Variants in HTT observed in about 807,000 individuals in gnomAD.
HTT encodes huntington disease protein.
In HTT, 104 loss-of-function variants were observed where a neutral mutation model predicts 362.3. That is an observed-to-expected ratio of 0.29 (90% CI 0.24 to 0.34). The LOEUF (loss-of-function observed/expected upper bound fraction) is 0.34. HTT is among the 10% of genes least tolerant of loss of function. The probability of loss-of-function intolerance (pLI) is 1.00; values close to 1 mark genes in which losing one functional copy is unlikely to be tolerated. For synonymous variants in HTT, 1,577 were observed against 1,548.7 expected (o/e 1.02, Z -0.43); for missense variants, 3,301 against 3,928.6 (o/e 0.84, Z 4.27).
intron 53 of HTT, among the ~76,000 whole-genome samples, chr4:3,222,066 T>G (rs1028933887): frequency 1.3e-5 from 2 of 152,244 alleles, no homozygotes; most frequent in Non-Finnish European, 2.9e-5. Flanking sequence ...CTGCACGAGG[T>G]TGCCTGCATG....
Position 3,174,971 on chromosome 4 carries a change from T to C in HTT, c.4271T>C (p.Leu1424Ser), listed in dbSNP as rs749003535. ...DKNAIHNHIR[L>S]FEPLVIKALK... ...AATGCTATTCATAATCACATTCGTT[T>C]GTTTGAACCTCTTGTTATAAAAGCT... Residue 1424 changes from leucine (L) to serine (S), a missense_variant, in exon 33 of 67, where the codon TTG becomes TCG. By Grantham distance (145) the Leu-to-Ser change is moderately radical (BLOSUM62 -2). Coordinates refer to ENST00000355072, the MANE Select transcript of HTT (RefSeq NM_001388492.1). 1.9e-6 allele frequency: 3 copies of C among 1,603,560 alleles called. No homozygotes were observed. Among genetic ancestry groups the C allele is most frequent in the Non-Finnish European group, 2.6e-6 (3 of 1,172,974 alleles).
Position 3,187,362 on chromosome 4 carries a change from A to G in HTT, c.4990-289A>G, listed in dbSNP as rs563111461. 3.9e-5 allele frequency among the ~76,000 whole-genome samples: 6 copies of G among 152,146 alleles called. No individual in the cohort carries two copies. In the East Asian group the frequency reaches 9.7e-4, roughly 25 times the overall value. On this transcript the variant is annotated intron_variant, in intron 38 of 66. Coordinates refer to ENST00000355072, the MANE Select transcript of HTT (RefSeq NM_001388492.1). ...AGTAGAGACGGGGTTTCACTGTGTT[A>G]GCCAGGATGGTCGCGATCTCCTGAC...
intron 35 of HTT, among the ~76,000 whole-genome samples, chr4:3,179,488 G>C (rs559005634): frequency 3.3e-5 from 5 of 152,266 alleles, no homozygotes; most frequent in Admixed American, 6.5e-5. Context: ...GCATGTCTCA[G>C]GGCCGGAGAG....
chr4:3,107,902 A>T (rs1714519814), intron 6 of HTT, among the ~76,000 whole-genome samples: 1 of 152,252 alleles, frequency 6.6e-6, no homozygotes, highest in Non-Finnish European at 1.5e-5. Context: ...ACCCTGTCAC[A>T]TGCTCTACAG....
At chr4:3,134,010 T>C (rs1715950202) in intron 18 of HTT, among the ~76,000 whole-genome samples, 1 of 152,004 alleles carries the variant, frequency 6.6e-6, no homozygotes, top group Admixed American at 6.5e-5. Flanking sequence ...CATAGTGACA[T>C]AGTGGGGTGG....
intron 37 of HTT, 76 bp from the exon 38 acceptor site, chr4:3,186,521 G>A: frequency 6.5e-7 from 1 of 1,537,328 alleles, no homozygotes; most frequent in Non-Finnish European, 8.9e-7. Flanking sequence ...TTGCCCTTGA[G>A]TTACATAGCT....
intron 29 of HTT, among the ~76,000 whole-genome samples, chr4:3,170,584 T>C (rs1467931208): frequency 6.6e-6 from 1 of 152,202 alleles, no homozygotes; most frequent in Non-Finnish European, 1.5e-5. Context: ...TCTTGTTTTC[T>C]CTTCTCTGGT....
chr4:3,236,021 A>G lies in HTT; in HGVS notation c.8786-128A>G, dbSNP rs1721512559. The G allele has an allele frequency of 5.1e-6, 4 of 787,804 alleles. No individual in the cohort carries two copies. The African/African-American group carries it at 6.8e-5, about 13-fold the overall frequency. 48.8% of individuals were successfully genotyped at this position (787,804 alleles called of 1,614,324 possible). A position where few individuals can be genotyped will look rare whatever the true frequency, so the allele number is the denominator to read the frequency against. On this transcript the variant is annotated intron_variant, in intron 63 of 66. Coordinates refer to ENST00000355072, the MANE Select transcript of HTT (RefSeq NM_001388492.1). ...GCTGAGCTGGGCTGGGTCCTGGGCA[A>G]GCAAGGGGCTGATATCACCTGCTTT...
Position 3,122,861 on chromosome 4 carries a change from T to C in HTT, c.1274-28T>C, listed in dbSNP as rs751833235. On this transcript the variant is annotated intron_variant, in intron 9 of 66. Coordinates refer to ENST00000355072, the MANE Select transcript of HTT (RefSeq NM_001388492.1). ...CTTCTAGATTTTATCAGCTTGTTAC[T>C]TTATCTGTCACTTTCTGTGATTTGC... 12 of 1,580,368 alleles carry C rather than the reference T, an allele frequency of 7.6e-6. No individual in the cohort carries two copies. In the Middle Eastern group the frequency reaches 6.7e-4, roughly 88 times the overall value.
In HTT at chr4:3,218,540, G is replaced by A. The variant is rs1364956816; in HGVS notation, c.7242+588G>A. ...CCCAGCTACTCAGGAGACTGAGACA[G>A]GAGAATCGCTTGAACCCAGGAGGCG... On this transcript the variant is annotated intron_variant, in intron 52 of 66. Transcript: ENST00000355072. The surrounding 1 kb of genome is among the most constrained non-coding windows in gnomAD (Gnocchi z 4.4). Among the ~76,000 whole-genome samples the A allele has an allele frequency of 6.6e-6, 1 of 152,104 alleles. No individual in the cohort carries two copies. Among genetic ancestry groups the A allele is most frequent in the Non-Finnish European group, 1.5e-5 (1 of 68,028 alleles).
chr4:3,197,328 T>C (rs901869358), intron 40 of HTT, among the ~76,000 whole-genome samples: 11 of 152,112 alleles, frequency 7.2e-5, no homozygotes, highest in South Asian at 2.1e-4. Flanking sequence ...GTCCTGCCAG[T>C]ACCTCAGACT....
chr4:3,105,087 AGG>A (rs1714358961), intron 4 of HTT, among the ~76,000 whole-genome samples: 3 of 152,300 alleles, frequency 2.0e-5, no homozygotes, highest in Admixed American at 2.0e-4. Context: ...CAATGTTAGA[AGG>A]AAATGCTGTT....
rs553485307 is a variant in HTT, at chr4:3,133,497, A to T, written c.2493+586A>T. 4.0e-5 allele frequency among the ~76,000 whole-genome samples: 6 copies of T among 148,198 alleles called. No homozygotes were observed. In the East Asian group the frequency reaches 1.2e-3, roughly 30 times the overall value. On this transcript the variant is annotated intron_variant, in intron 18 of 66. Transcript: ENST00000355072. ...GGCAACAGAGTGAGACTGTCTCAAA[A>T]ATAATAGTAATAATAATCAGTTGAA...
chr4:3,111,277 T>G (rs1714735077), intron 6 of HTT, among the ~76,000 whole-genome samples: 1 of 151,276 alleles, frequency 6.6e-6, no homozygotes, highest in African/African-American at 2.4e-5. Context: ...CACTTAAGCC[T>G]CTGCCTCCCA....
Position 3,186,621 on chromosome 4 carries a change from C to T in HTT, c.4891C>T (p.Leu1631Phe), listed in dbSNP as rs765473338. ...GATGCACATTGACTCTCATGAAGCC[C>T]TTGGAGTGTTAAATACATTATTTGA... Reference protein sequence around the residue: ...QQMHIDSHEALGVLNTLFEIL... With the variant: ...QQMHIDSHEAFGVLNTLFEIL... Residue 1631 changes from leucine (L) to phenylalanine (F), a missense_variant, in exon 38 of 67, where the codon CTT becomes TTT. By Grantham distance (22) the Leu-to-Phe change is conservative. This residue lies in a region of HTT where 2,316 missense variants were observed against 2,658.5 expected (regional missense o/e 0.87). Transcript: ENST00000355072. 2 of 1,613,636 alleles carry T rather than the reference C, an allele frequency of 1.2e-6. No individual in the cohort carries two copies. The highest frequency in any genetic ancestry group is 1.1e-5 in the South Asian group (1 of 91,064).
At chr4:3,238,640 G>C in intron 65 of HTT, 31 bp downstream of exon 65, 1 of 1,570,802 alleles carries the variant, frequency 6.4e-7, no homozygotes, top group Non-Finnish European at 8.7e-7. Flanking sequence ...GGGATGGAGT[G>C]GGAAAGCCTG....
At chr4:3,174,205 T>C (rs1718126766) in intron 31 of HTT, among the ~76,000 whole-genome samples, 1 of 152,240 alleles carries the variant, frequency 6.6e-6, no homozygotes, top group Non-Finnish European at 1.5e-5. Flanking sequence ...ACTTACTATA[T>C]ATTGGAGTTT....
intron 6 of HTT, among the ~76,000 whole-genome samples, chr4:3,114,508 T>G (rs1714924430): frequency 6.6e-6 from 1 of 152,244 alleles, no homozygotes; most frequent in African/African-American, 2.4e-5. Context: ...CAGATGCCAG[T>G]TACTAGTTTA....
In HTT at chr4:3,235,626, CCCTCAGAGGCCTGGAGCG is replaced by C; in HGVS notation, c.8638_8655del (p.Arg2880_Leu2885del). 1 of 1,613,868 alleles carries C rather than the reference CCCTCAGAGGCCTGGAGCG, an allele frequency of 6.2e-7. No individual in the cohort carries two copies. Among genetic ancestry groups the C allele is most frequent in the Non-Finnish European group, 8.5e-7 (1 of 1,179,988 alleles). On this transcript the variant is annotated inframe_deletion, in exon 63 of 67. Transcript: ENST00000355072. Reference sequence around the variant, plus strand: ...ACCCCCTCCATCATTTACCACTGTGCCCTCAGAGGCCTGGAGCGCCTCCTGCTCTCTGAGCAGCTCTCC... The same window carrying C: ...ACCCCCTCCATCATTTACCACTGTGCCCTCCTGCTCTCTGAGCAGCTCTCC...
Sources: allele counts gnomAD v4.1 joint callset (sites outside exome capture counted in the v4.1 genomes callset), GRCh38; gene constraint gnomAD v4.1.1; regional missense constraint gnomAD v4.1.1; non-coding constraint Gnocchi (gnomAD v3.1); transcripts MANE v1.5; gene names NCBI Gene and HGNC (gene_info 2026-07-23, HGNC 2026-07-21).